ADGRL2: variants seen among roughly 807,000 people sequenced by gnomAD.
The protein encoded by ADGRL2 is adhesion G protein-coupled receptor L2.
ADGRL2 carries 44 observed loss-of-function variants against 157.4 expected under a neutral mutation model. The ratio of observed to expected loss-of-function variants is 0.28; its 90% CI spans 0.22 to 0.36. ADGRL2 has a LOEUF of 0.36. Among genes scored for constraint, ADGRL2 ranks in the 10% least tolerant of loss-of-function variants. The pLI, the probability that ADGRL2 is intolerant of heterozygous loss-of-function variation, is 1.00. For synonymous variants in ADGRL2, 585 were observed against 624.7 expected (o/e 0.94, Z 0.95); for missense variants, 1,510 against 1,768.9 (o/e 0.85, Z 2.63).
intron 1 of ADGRL2, among the ~76,000 whole-genome samples, chr1:81,369,287 G>T (rs1437047010): frequency 6.6e-6 from 1 of 152,144 alleles, no homozygotes; most frequent in Non-Finnish European, 1.5e-5. Flanking sequence ...ATAGAACCCA[G>T]CAGTTGGGAG....
At chr1:81,856,564 AG>A (rs1470243827) in intron 2 of ADGRL2, among the ~76,000 whole-genome samples, 14 of 152,158 alleles carry the variant, frequency 9.2e-5, no homozygotes, top group African/African-American at 3.1e-4. Flanking sequence ...CATTTGAGTT[AG>A]AATAAACTGA....
At chr1:81,568,138 T>TA (rs1355553057) in intron 2 of ADGRL2, among the ~76,000 whole-genome samples, 3 of 152,230 alleles carry the variant, frequency 2.0e-5, no homozygotes, top group East Asian at 3.9e-4. Flanking sequence ...ATTTTCTCTT[T>TA]AAAAAAATTA....
intron 1 of ADGRL2, among the ~76,000 whole-genome samples, chr1:81,751,055 A>G (rs1039628962): frequency 1.3e-5 from 2 of 152,200 alleles, no homozygotes; most frequent in Non-Finnish European, 2.9e-5. Flanking sequence ...AGCCTGGAAT[A>G]TATTACTGTG....
At position 81,873,840 on chromosome 1, in the gene ADGRL2, T is replaced by A. The variant is rs75488631; in HGVS notation, c.74-33177T>A. Among the ~76,000 whole-genome samples, 513 of 152,240 alleles carry A rather than the reference T, an allele frequency of 3.4e-3. 8 individuals are homozygous for A. Among genetic ancestry groups the A allele is most frequent in the South Asian group, 0.033 (158 of 4,826 alleles). ...CCAAAGTTGCTGAAAATAATTTGAT[T>A]TATTTTAGTTAAGCATTAATAAAGT... On this transcript the variant is annotated intron_variant, in intron 2 of 23. Coordinates refer to ENST00000686636, the MANE Select transcript of ADGRL2 (RefSeq NM_001366006.2).
intron 1 of ADGRL2, among the ~76,000 whole-genome samples, chr1:81,441,528 T>A (rs2077507153): frequency 6.6e-6 from 1 of 152,180 alleles, no homozygotes; most frequent in Non-Finnish European, 1.5e-5. Context: ...TTTTTGGGTT[T>A]TTTTGTTTGT....
At chr1:81,602,575 G>A (rs1007757481) in intron 3 of ADGRL2, among the ~76,000 whole-genome samples, 2 of 151,870 alleles carry the variant, frequency 1.3e-5, no homozygotes, top group South Asian at 4.2e-4. Context: ...CTGGGCAACA[G>A]AGCAAGACTC....
chr1:81,418,467 C>A (rs902590879), intron 1 of ADGRL2, among the ~76,000 whole-genome samples: 9 of 152,088 alleles, frequency 5.9e-5, no homozygotes, highest in African/African-American at 1.9e-4. Context: ...AAATAAGATT[C>A]CAGGCCGAGT....
At chr1:81,745,355 A>G (rs1045301848) in intron 1 of ADGRL2, among the ~76,000 whole-genome samples, 4 of 152,178 alleles carry the variant, frequency 2.6e-5, no homozygotes, top group Admixed American at 1.3e-4. Context: ...AACTTCCTCA[A>G]TTGTAAGATA....
intron 1 of ADGRL2, among the ~76,000 whole-genome samples, chr1:81,331,328 C>G (rs1403861754): frequency 6.6e-6 from 1 of 152,034 alleles, no homozygotes; most frequent in African/African-American, 2.4e-5. Flanking sequence ...CATGTTATTA[C>G]TTAGGATCTG....
chr1:81,529,258 A>C (rs1395112376), intron 2 of ADGRL2, among the ~76,000 whole-genome samples: 1 of 152,302 alleles, frequency 6.6e-6, no homozygotes, highest in East Asian at 1.9e-4. Flanking sequence ...GCAGAGGTGA[A>C]GGACAGTGGA....
At chr1:81,619,942 TAAA>T (rs3834770) in intron 3 of ADGRL2, among the ~76,000 whole-genome samples, 2 of 150,782 alleles carry the variant, frequency 1.3e-5, no homozygotes, top group African/African-American at 4.9e-5. Flanking sequence ...TCCATTTCTT[TAAA>T]AAAAAAGAGG....
intron 3 of ADGRL2, among the ~76,000 whole-genome samples, chr1:81,651,417 G>A (rs770899638): frequency 3.9e-5 from 6 of 152,212 alleles, no homozygotes; most frequent in Admixed American, 3.3e-4. Flanking sequence ...CAAATACTAC[G>A]CTGGTTGATA....
intron 2 of ADGRL2, among the ~76,000 whole-genome samples, chr1:81,521,313 C>T (rs2079309274): frequency 6.6e-6 from 1 of 151,942 alleles, no homozygotes; most frequent in Non-Finnish European, 1.5e-5. Context: ...TAAAACTATT[C>T]ACAATTAAAA....
intron 2 of ADGRL2, among the ~76,000 whole-genome samples, chr1:81,903,592 T>C (rs1203412511): frequency 6.6e-6 from 1 of 151,686 alleles, no homozygotes; most frequent in Non-Finnish European, 1.5e-5. Context: ...TTTATGTTGT[T>C]GAACATAAAA....
intron 1 of ADGRL2, among the ~76,000 whole-genome samples, chr1:81,425,718 C>T (rs1460484466): frequency 1.3e-5 from 2 of 152,180 alleles, no homozygotes; most frequent in Non-Finnish European, 2.9e-5. Flanking sequence ...TTGTCAATTG[C>T]TTCAAGATCT....
rs538447819 is a variant in ADGRL2, at chr1:81,807,352, A to G, written c.-101+6284A>G. Among the ~76,000 whole-genome samples, 4 of 152,080 alleles carry G rather than the reference A, an allele frequency of 2.6e-5. No individual in the cohort carries two copies. The South Asian group carries it at 8.3e-4, about 31-fold the overall frequency. On this transcript the variant is annotated intron_variant, in intron 1 of 23. Transcript: ENST00000686636. ...TGTCTTACATAAGACTAATTATTCT[A>G]TAGCCCCACCCAAATATTCATCTCT... is the stretch of plus-strand genomic sequence containing the variant.
Position 81,984,771 on chromosome 1 carries a change from A to T in ADGRL2, c.3411+60A>T, listed in dbSNP as rs1662678385. 22 of 1,568,428 alleles carry T rather than the reference A, an allele frequency of 1.4e-5. No individual in the cohort carries two copies. In the South Asian group the frequency reaches 2.3e-4, roughly 16 times the overall value. On this transcript the variant is annotated intron_variant, in intron 20 of 23. Transcript: ENST00000686636. ...TTATTTATAGAAAACCTACTGAGAC[A>T]TGTTCTGTTCAGATGCACTAATTGT...
At chr1:81,383,687 G>A (rs1389669269) in intron 1 of ADGRL2, among the ~76,000 whole-genome samples, 3 of 149,976 alleles carry the variant, frequency 2.0e-5, no homozygotes, top group Non-Finnish European at 3.0e-5. Flanking sequence ...AGAAGGCCGG[G>A]TGCACGGTGG....
At chr1:81,857,136 A>G (rs903102215) in intron 2 of ADGRL2, among the ~76,000 whole-genome samples, 1 of 152,194 alleles carries the variant, frequency 6.6e-6, no homozygotes, top group Non-Finnish European at 1.5e-5. Flanking sequence ...CATTTTAGCC[A>G]AGGAAACTTA....
Sources: allele counts gnomAD v4.1 joint callset (sites outside exome capture counted in the v4.1 genomes callset), GRCh38; gene constraint gnomAD v4.1.1; transcripts MANE v1.5; gene names NCBI Gene and HGNC (gene_info 2026-07-23, HGNC 2026-07-21).